Variants in SMAD9 observed in about 807,000 individuals in gnomAD.
SMAD9 encodes SMAD family member 9, also known as MAD homolog 9.
In SMAD9, 36 loss-of-function variants were observed where a neutral mutation model predicts 46.1. The ratio of observed to expected loss-of-function variants is 0.78; its 90% confidence interval spans 0.60 to 1.03. SMAD9 has a LOEUF of 1.03. Among genes scored for constraint, SMAD9 ranks in the 50% least tolerant of loss-of-function variants. The pLI is 0.00. For synonymous variants in SMAD9, 245 were observed against 237.1 expected, an observed-to-expected ratio of 1.03 and a Z score of -0.31; for missense variants, 572 against 599.8, an observed-to-expected ratio of 0.95 and a Z score of 0.48.
chr13:36,890,794 T>C (rs2058483069), intron 1 of SMAD9, among the ~76,000 whole-genome samples: 1 of 151,746 alleles, frequency 6.6e-6, no homozygotes, highest in Non-Finnish European at 1.5e-5. Context: ...TCCCTTTCTC[T>C]CACCCCCCAC....
intron 1 of SMAD9, among the ~76,000 whole-genome samples, chr13:36,896,809 T>C (rs1342709120): frequency 6.6e-6 from 1 of 152,174 alleles, no homozygotes; most frequent in African/African-American, 2.4e-5. Context: ...TTTATAAATA[T>C]ATCTTATATT....
At position 36,909,680 on chromosome 13, in the gene SMAD9, C is replaced by T. The variant is rs186157553; in HGVS notation, c.-187+10436G>A. On this transcript the variant is annotated intron_variant, in intron 1 of 6. Transcript: ENST00000379826. Reference sequence around the variant, plus strand: ...AAGACTCCAGTCTGAGTGCTAGTACCATCACTGTCATCTTCAAGTAATTAG... The same window carrying T: ...AAGACTCCAGTCTGAGTGCTAGTACTATCACTGTCATCTTCAAGTAATTAG... Among the ~76,000 whole-genome samples the T allele has an allele frequency of 2.8e-3, 433 of 152,254 alleles. 3 individuals carry two copies. Among genetic ancestry groups the T allele is most frequent in the Admixed American group, 5.2e-3 (80 of 15,300 alleles).
Position 36,879,580 on chromosome 13 carries a change from G to A in SMAD9, c.110C>T (p.Ala37Val), listed in dbSNP as rs1244080019. 1.9e-6 allele frequency: 3 copies of A among 1,614,204 alleles called. No individual in the cohort carries two copies. Among genetic ancestry groups the A allele is most frequent in the Non-Finnish European group, 2.5e-6 (3 of 1,180,028 alleles). Residue 37 changes from alanine (A) to valine (V), a missense_variant, in exon 2 of 7, where the codon GCA becomes GTA. By Grantham distance (64) the Ala-to-Val change is moderately conservative (BLOSUM62 0). Coordinates refer to ENST00000379826, the MANE Select transcript of SMAD9 (RefSeq NM_001127217.3). ...GDEEEKWAEK[A>V]VDSLVKKLKK... Reference sequence around the variant, plus strand: ...TAACTTCTTCACTAGAGAGTCCACTGCCTTCTCTGCCCACTTTTCCTCTTC... The same window carrying A: ...TAACTTCTTCACTAGAGAGTCCACTACCTTCTCTGCCCACTTTTCCTCTTC...
intron 1 of SMAD9, among the ~76,000 whole-genome samples, chr13:36,884,090 T>C (rs1051234615): frequency 3.3e-4 from 50 of 152,270 alleles, no homozygotes; most frequent in African/African-American, 1.2e-3. Flanking sequence ...GAGCGCGACC[T>C]TCACTCATGA....
chr13:36,897,337 G>A lies in SMAD9; in HGVS notation c.-186-17462C>T, dbSNP rs1013678637. Among the ~76,000 whole-genome samples, 4 of 152,280 alleles carry A rather than the reference G, an allele frequency of 2.6e-5. No homozygotes were observed. The East Asian group carries it at 7.7e-4, about 29-fold the overall frequency. On this transcript the variant is annotated intron_variant, in intron 1 of 6. Coordinates refer to ENST00000379826, the MANE Select transcript of SMAD9 (RefSeq NM_001127217.3). ...AGTCCTTACAAAAAATATAGCATTA[G>A]TTTGAATTTTTAAAGAGATTCAAGC...
chr13:36,848,629 C>A lies in SMAD9; in HGVS notation c.*47G>T, dbSNP rs2762140. ...AAATCTGAAATGATACAAGCCACTCCCTGCAATAGCCTCTATCCTATGGAA... is the reference window on the plus strand; with the variant it reads ...AAATCTGAAATGATACAAGCCACTCACTGCAATAGCCTCTATCCTATGGAA... On this transcript the variant is annotated 3_prime_UTR_variant, in exon 7 of 7. Transcript: ENST00000379826. 9 of 1,583,242 alleles carry A rather than the reference C, an allele frequency of 5.7e-6. No individual in the cohort carries two copies. The highest frequency in any genetic ancestry group is 3.3e-4 in the Middle Eastern group (2 of 6,018).
At chr13:36,862,178 C>T (rs2058188931) in intron 5 of SMAD9, among the ~76,000 whole-genome samples, 1 of 152,066 alleles carries the variant, frequency 6.6e-6, no homozygotes, top group Non-Finnish European at 1.5e-5. Flanking sequence ...CCATTTGAAC[C>T]AGAGCAACTC....
At chr13:36,919,871 G>A (rs1434017241) in intron 1 of SMAD9, among the ~76,000 whole-genome samples, 1 of 92,520 alleles carries the variant, frequency 1.1e-5, no homozygotes, top group African/African-American at 4.2e-5. Flanking sequence ...CAAAAAACCC[G>A]GGAACAACGA....
At chr13:36,894,576 A>C (rs2058513230) in intron 1 of SMAD9, among the ~76,000 whole-genome samples, 1 of 152,144 alleles carries the variant, frequency 6.6e-6, no homozygotes, top group South Asian at 2.1e-4. Flanking sequence ...CAAGAATGAA[A>C]TTATTCGTTA....
At chr13:36,904,382 T>G (rs918609901) in intron 1 of SMAD9, among the ~76,000 whole-genome samples, 1 of 152,210 alleles carries the variant, frequency 6.6e-6, no homozygotes, top group Admixed American at 6.5e-5. Context: ...CGCTGGGATT[T>G]GCCAGGTGCG....
intron 1 of SMAD9, among the ~76,000 whole-genome samples, chr13:36,899,218 G>C (rs1437331333): frequency 1.3e-5 from 2 of 152,208 alleles, no homozygotes; most frequent in Admixed American, 1.3e-4. Flanking sequence ...CCAAAAAAAG[G>C]TGGGGCGGTG....
intron 5 of SMAD9, among the ~76,000 whole-genome samples, chr13:36,861,402 C>T (rs990084933): frequency 6.6e-6 from 1 of 151,920 alleles, no homozygotes; most frequent in Non-Finnish European, 1.5e-5. Flanking sequence ...GCAACCTCCA[C>T]CTCCTGGGTT....
At chr13:36,902,775 T>C (rs1488548852) in intron 1 of SMAD9, among the ~76,000 whole-genome samples, 1 of 152,070 alleles carries the variant, frequency 6.6e-6, no homozygotes, top group Admixed American at 6.6e-5. Context: ...TTTTTCAATG[T>C]TGTGTTGTAT....
At chr13:36,856,552 A>G (rs989634948) in intron 5 of SMAD9, among the ~76,000 whole-genome samples, 1 of 152,208 alleles carries the variant, frequency 6.6e-6, no homozygotes, top group Non-Finnish European at 1.5e-5. Flanking sequence ...ACCCAGCCTC[A>G]GGGTGAGGGA....
In SMAD9 at chr13:36,866,661, T is replaced by G. The variant is rs182118114; in HGVS notation, c.781+612A>C. Reference sequence around the variant, plus strand: ...CTTATAAAATATTCACTTGGAGTATTTCAAATGGTACACTTCTTTAGAACC... The same window carrying G: ...CTTATAAAATATTCACTTGGAGTATGTCAAATGGTACACTTCTTTAGAACC... On this transcript the variant is annotated intron_variant, in intron 4 of 6. Coordinates refer to ENST00000379826, the MANE Select transcript of SMAD9 (RefSeq NM_001127217.3). Among the ~76,000 whole-genome samples the G allele has an allele frequency of 2.0e-5, 3 of 152,278 alleles. No homozygotes were observed. In the East Asian group the frequency reaches 5.8e-4, roughly 29 times the overall value.
chr13:36,911,702 T>C (rs2058663409), intron 1 of SMAD9, among the ~76,000 whole-genome samples: 1 of 147,624 alleles, frequency 6.8e-6, no homozygotes, highest in Non-Finnish European at 1.5e-5. Context: ...GGAAGCTCAA[T>C]TTATTTTTTA....
chr13:36,867,451 C>A, intron 3 of SMAD9, 68 bp from the exon 4 acceptor site: 1 of 1,043,960 alleles, frequency 9.6e-7, no homozygotes, highest in Non-Finnish European at 1.4e-6. Flanking sequence ...TTGGATCCGA[C>A]ATCTTTTGCC....
At chr13:36,910,517 T>C (rs2058653108) in intron 1 of SMAD9, among the ~76,000 whole-genome samples, 1 of 152,106 alleles carries the variant, frequency 6.6e-6, no homozygotes, top group African/African-American at 2.4e-5. Context: ...TATCATGAGG[T>C]GGGGGTTGTG....
Position 36,865,692 on chromosome 13 carries a change from T to C in SMAD9, c.848A>G (p.Asn283Ser), listed in dbSNP as rs997923220. 5.6e-6 allele frequency: 9 copies of C among 1,614,106 alleles called. No homozygotes were observed. The highest frequency in any genetic ancestry group is 1.3e-5 in the African/African-American group (1 of 75,030). Residue 283 changes from asparagine (N) to serine (S), a missense_variant, in exon 5 of 7, where the codon AAC becomes AGC. Transcript: ENST00000379826. Reference sequence around the variant, plus strand: ...AGCCTGGAATGTCTCCCCAACTCGGTTGTTCAGTTCATAGTAGGCGACCGA... The same window carrying C: ...AGCCTGGAATGTCTCCCCAACTCGGCTGTTCAGTTCATAGTAGGCGACCGA... Reference protein sequence around the residue: ...WCSVAYYELNNRVGETFQASS... With the variant: ...WCSVAYYELNSRVGETFQASS...
Sources: gnomAD v4.1 joint callset for allele counts (sites outside exome capture counted in the v4.1 genomes callset) on GRCh38, gnomAD v4.1.1 for gene constraint, MANE v1.5 for transcripts, NCBI Gene and HGNC (gene_info 2026-07-23, HGNC 2026-07-21) for gene names.